The following PCDH15 variants were observed in gnomAD, a reference collection of about 807,000 sequenced individuals.
PCDH15 encodes the protein protocadherin-15.
A neutral mutation model predicts 178.5 loss-of-function variants in PCDH15; 129 were observed. The observed-to-expected ratio is 0.72, with a 90% CI of 0.63 to 0.84. The LOEUF (loss-of-function observed/expected upper bound fraction) is 0.84, where lower values mean the gene tolerates loss of function less well. Ranked by LOEUF, PCDH15 falls within the 40% of genes least tolerant of loss-of-function variation. PCDH15 has a pLI of 0.00. For synonymous variants in PCDH15, 800 were observed against 732.0 expected (o/e 1.09, Z -1.50); for missense variants, 2,230 against 2,099.9 (o/e 1.06, Z -1.21).
chr10:54,192,132 GAGAA>G (rs1218788892), intron 11 of PCDH15, among the ~76,000 whole-genome samples: 11 of 100,822 alleles, frequency 1.1e-4, no homozygotes, highest in Middle Eastern at 4.8e-3. Context: ...AAGAAAGAAA[GAGAA>G]AGAGAAAGAA....
intron 1 of PCDH15, among the ~76,000 whole-genome samples, chr10:54,742,847 A>G (rs1358951726): frequency 6.6e-6 from 1 of 152,072 alleles, no homozygotes; most frequent in Non-Finnish European, 1.5e-5. Flanking sequence ...GTAGGAAACC[A>G]CTATGGAAAT....
At chr10:54,414,318 A>T (rs4935520) in intron 3 of PCDH15, among the ~76,000 whole-genome samples, 71,486 of 151,736 alleles carry the variant, frequency 0.47, 17,577 homozygotes, top group Non-Finnish European at 0.53. Flanking sequence ...AATCTACAAA[A>T]TTAACATAAT....
chr10:55,365,492 C>A (rs941054142), intron 2 of PCDH15, among the ~76,000 whole-genome samples: 4 of 152,046 alleles, frequency 2.6e-5, no homozygotes, highest in African/African-American at 9.7e-5. Flanking sequence ...CAGATAATGG[C>A]AACCTAGCTG....
At chr10:54,444,553 A>C (rs74136154) in intron 3 of PCDH15, among the ~76,000 whole-genome samples, 3,763 of 151,776 alleles carry the variant, frequency 0.025, 164 homozygotes, top group African/African-American at 0.086. Context: ...TTTTTTTCTG[A>C]AATCTGAATA....
chr10:54,400,931 T>C (rs1442779873), intron 3 of PCDH15, among the ~76,000 whole-genome samples: 2 of 152,142 alleles, frequency 1.3e-5, no homozygotes, highest in East Asian at 1.9e-4. Context: ...GTATTGTTCA[T>C]CTAGTTTGTA....
intron 17 of PCDH15, among the ~76,000 whole-genome samples, chr10:54,075,807 T>C: frequency 6.6e-6 from 1 of 152,166 alleles, no homozygotes; most frequent in East Asian, 1.9e-4. Context: ...CATTGGCCTG[T>C]ATTTCTGTTT....
At chr10:54,722,541 C>T (rs1029764543) in intron 1 of PCDH15, among the ~76,000 whole-genome samples, 2 of 148,322 alleles carry the variant, frequency 1.3e-5, no homozygotes, top group African/African-American at 5.0e-5. Flanking sequence ...CCTGATCTTT[C>T]TTCAGGCAAA....
intron 11 of PCDH15, among the ~76,000 whole-genome samples, chr10:54,190,617 G>A (rs1285600557): frequency 6.6e-6 from 1 of 152,070 alleles, no homozygotes; most frequent in Non-Finnish European, 1.5e-5. Flanking sequence ...TGTAGCCAAG[G>A]CTGGTCTGGA....
At chr10:54,017,840 G>A (rs2092791265) in intron 20 of PCDH15, among the ~76,000 whole-genome samples, 2 of 151,726 alleles carry the variant, frequency 1.3e-5, no homozygotes, top group Admixed American at 1.3e-4. Context: ...AAAAGGTAGT[G>A]GAATACTTCC....
chr10:54,863,545 A>G (rs1953884953), intron 3 of PCDH15, among the ~76,000 whole-genome samples: 1 of 152,212 alleles, frequency 6.6e-6, no homozygotes, highest in South Asian at 2.1e-4. Context: ...CCGTCTCAAA[A>G]TAATATATAT....
intron 2 of PCDH15, among the ~76,000 whole-genome samples, chr10:55,452,880 A>G (rs1839466482): frequency 6.6e-6 from 1 of 152,194 alleles, no homozygotes; most frequent in South Asian, 2.1e-4. Context: ...ATACCTTCAA[A>G]GAGTATATAC....
At chr10:53,984,934 C>T (rs1221660569) in intron 21 of PCDH15, among the ~76,000 whole-genome samples, 7 of 152,138 alleles carry the variant, frequency 4.6e-5, no homozygotes, top group African/African-American at 1.7e-4. Flanking sequence ...AGAACTGTGA[C>T]ACGGGAGCAG....
intron 3 of PCDH15, among the ~76,000 whole-genome samples, chr10:54,827,304 C>T (rs1309616065): frequency 6.6e-6 from 1 of 152,082 alleles, no homozygotes; most frequent in African/African-American, 2.4e-5. Context: ...AATGCTTGCT[C>T]AAGTAATACT....
intron 3 of PCDH15, among the ~76,000 whole-genome samples, chr10:54,893,261 A>G (rs1954493116): frequency 6.6e-6 from 1 of 152,098 alleles, no homozygotes; most frequent in Non-Finnish European, 1.5e-5. Flanking sequence ...ATGATAATTA[A>G]TACCCAGATT....
chr10:54,133,423 C>T (rs1393094263), intron 14 of PCDH15, among the ~76,000 whole-genome samples: 5 of 152,076 alleles, frequency 3.3e-5, no homozygotes, highest in Non-Finnish European at 7.4e-5. Flanking sequence ...ATTACAATAA[C>T]TCACAAAACA....
At chr10:54,543,659 A>G (rs2085515300) in intron 2 of PCDH15, among the ~76,000 whole-genome samples, 3 of 152,296 alleles carry the variant, frequency 2.0e-5, no homozygotes, top group Middle Eastern at 6.8e-3. Flanking sequence ...TTCTTGTCAC[A>G]CCCAATTAAA....
chr10:55,246,291 G>T (rs1841675809), intron 1 of PCDH15, among the ~76,000 whole-genome samples: 1 of 152,104 alleles, frequency 6.6e-6, no homozygotes, highest in Non-Finnish European at 1.5e-5. Flanking sequence ...CACTCTGAAT[G>T]ATATCCAATC....
chr10:54,222,768 T>G (rs775606999), intron 9 of PCDH15, among the ~76,000 whole-genome samples: 2 of 151,956 alleles, frequency 1.3e-5, no homozygotes, highest in South Asian at 4.2e-4. Context: ...ATTCTTATTT[T>G]GTTTATAAAT....
At chr10:55,186,580 T>G (rs888394223) in intron 1 of PCDH15, among the ~76,000 whole-genome samples, 14 of 151,750 alleles carry the variant, frequency 9.2e-5, no homozygotes, top group Admixed American at 2.6e-4. Context: ...CTACCAAAAG[T>G]GTAGTCTGCT....
Sources: allele counts gnomAD v4.1 joint callset (sites outside exome capture counted in the v4.1 genomes callset), GRCh38; gene constraint gnomAD v4.1.1; transcripts MANE v1.5; gene names NCBI Gene and HGNC (gene_info 2026-07-23, HGNC 2026-07-21).